BMERB1: variants seen among roughly 807,000 people sequenced by gnomAD.
BMERB1 encodes the protein bMERB domain containing 1.
A neutral mutation model predicts 23.6 loss-of-function variants in BMERB1; 12 were observed. That is an observed-to-expected ratio of 0.51 (90% CI 0.33 to 0.82). The LOEUF is 0.82. Among genes scored for constraint, BMERB1 ranks in the 40% least tolerant of loss-of-function variants. The probability of loss-of-function intolerance (pLI) is 0.03; values close to 1 mark genes in which losing one functional copy is unlikely to be tolerated. For missense variants in BMERB1, 247 were observed against 255.4 expected, an observed-to-expected ratio of 0.97 and a Z score of 0.22; for synonymous variants, 122 against 96.6, an observed-to-expected ratio of 1.26 and a Z score of -1.54.
intron 1 of BMERB1, 65 bp downstream of exon 1, chr16:15,434,824 G>A (rs1182222409): frequency 2.9e-6 from 4 of 1,399,170 alleles, no homozygotes; most frequent in Non-Finnish European, 3.8e-6. Context: ...TGCGCGGGTG[G>A]TCGCGGGAGC....
At chr16:15,481,680 A>G (rs2051321696) in intron 1 of BMERB1, among the ~76,000 whole-genome samples, 1 of 152,006 alleles carries the variant, frequency 6.6e-6, no homozygotes, top group Admixed American at 6.6e-5. Context: ...TATAACAAGA[A>G]TTAATTAACA....
At chr16:15,561,718 T>C (rs2030427268) in intron 2 of BMERB1, among the ~76,000 whole-genome samples, 2 of 152,070 alleles carry the variant, frequency 1.3e-5, no homozygotes, top group Admixed American at 1.3e-4. Flanking sequence ...CATGGCAAGA[T>C]TCTGTCTCTA....
chr16:15,488,714 G>A (rs567737706), intron 1 of BMERB1, among the ~76,000 whole-genome samples: 1 of 150,096 alleles, frequency 6.7e-6, no homozygotes, highest in Non-Finnish European at 1.5e-5. Flanking sequence ...GTGGTGGTGG[G>A]TGTCTGTGGT....
At chr16:15,527,828 C>T (rs111820010) in intron 2 of BMERB1, among the ~76,000 whole-genome samples, 2,687 of 152,206 alleles carry the variant, frequency 0.018, 81 homozygotes, top group African/African-American at 0.062. Context: ...AGCAAATGGT[C>T]AAGCATCACC....
intron 3 of BMERB1, among the ~76,000 whole-genome samples, chr16:15,571,898 A>G (rs80110898): frequency 1.3e-3 from 202 of 152,184 alleles, no homozygotes; most frequent in East Asian, 0.013. Context: ...GGGCCAGAGA[A>G]TGCAATCCTC....
At position 15,546,684 on chromosome 16, in the gene BMERB1, T is replaced by C. The variant is rs1043328453; in HGVS notation, c.231-21299T>C. Among the ~76,000 whole-genome samples the C allele has an allele frequency of 1.1e-4, 17 of 152,358 alleles. 1 individual carries two copies. The highest frequency in any genetic ancestry group is 7.2e-4 in the Admixed American group (11 of 15,302). On this transcript the variant is annotated intron_variant, in intron 2 of 5. Transcript: ENST00000300006. ...AATAATCAGCTTCTTCTAGTCTAAC[T>C]AAGGTCTGAGTCCTGAAGACCTTCC... is the stretch of plus-strand genomic sequence containing the variant.
rs775378313 is a variant in BMERB1, at chr16:15,586,869, C to A, written c.*40C>A. ...GCCCTGGGCCATGGGGACCCCCCCCCACCCTCTTGTCTTTATAGCCCCCAT... is the reference window on the plus strand; with the variant it reads ...GCCCTGGGCCATGGGGACCCCCCCCAACCCTCTTGTCTTTATAGCCCCCAT... On this transcript the variant is annotated 3_prime_UTR_variant, in exon 6 of 6. Coordinates refer to ENST00000300006, the MANE Select transcript of BMERB1 (RefSeq NM_033201.3). 7.7e-7 allele frequency: 1 copy of A among 1,302,392 alleles called. No individual in the cohort carries two copies. Among genetic ancestry groups the A allele is most frequent in the Non-Finnish European group, 1.1e-6 (1 of 937,220 alleles). 80.7% of individuals were successfully genotyped at this position (1,302,392 alleles called of 1,614,324 possible).
intron 5 of BMERB1, chr16:15,584,191 G>C (rs2031084581): frequency 1.4e-5 from 8 of 588,472 alleles, no homozygotes; most frequent in Non-Finnish European, 2.4e-5. Context: ...TCAAGAAACT[G>C]TCTTTTCTTT....
intron 1 of BMERB1, among the ~76,000 whole-genome samples, chr16:15,458,611 G>T (rs1241578061): frequency 2.6e-5 from 4 of 151,790 alleles, no homozygotes; most frequent in Admixed American, 2.0e-4. Flanking sequence ...CAGCTACTTG[G>T]GGGGCTGATG....
intron 1 of BMERB1, among the ~76,000 whole-genome samples, chr16:15,476,046 C>G (rs892328209): frequency 4.6e-5 from 7 of 152,116 alleles, no homozygotes; most frequent in Admixed American, 3.3e-4. Flanking sequence ...CTAAAGCCCC[C>G]CTGTGAACAA....
chr16:15,530,901 TTC>T (rs1567487066), intron 2 of BMERB1, among the ~76,000 whole-genome samples: 2 of 142,690 alleles, frequency 1.4e-5, no homozygotes, highest in Non-Finnish European at 3.1e-5. Flanking sequence ...CTTTTCTTCT[TTC>T]TTTTTTTTTT....
chr16:15,561,256 A>ATTTTTT lies in BMERB1; in HGVS notation c.231-6704_231-6699dup, dbSNP rs35139646. Among the ~76,000 whole-genome samples, 7 of 42,240 alleles carry ATTTTTT rather than the reference A, an allele frequency of 1.7e-4. 2 individuals are homozygous for ATTTTTT. The highest frequency in any genetic ancestry group is 1.1e-3 in the Admixed American group (3 of 2,670). 27.7% of individuals were successfully genotyped at this position (42,240 alleles called of 152,430 possible). The stretch of plus-strand genomic sequence containing the variant: ...ACAGGTGTGAGCCACCACGCCGGCC[A>ATTTTTT]TTTTTTTTTTTTTTTTTTTTTTTTT... On this transcript the variant is annotated intron_variant, in intron 2 of 5. Transcript: ENST00000300006.
intron 2 of BMERB1, among the ~76,000 whole-genome samples, chr16:15,565,289 C>T (rs1373582869): frequency 6.6e-6 from 1 of 152,194 alleles, no homozygotes; most frequent in Admixed American, 6.5e-5. Flanking sequence ...AGCCTCTTTA[C>T]CTGTTTCCGC....
At chr16:15,493,347 C>CT (rs2051440880) in intron 1 of BMERB1, among the ~76,000 whole-genome samples, 2 of 152,246 alleles carry the variant, frequency 1.3e-5, no homozygotes, top group East Asian at 3.9e-4. Context: ...GTAGAAGAGT[C>CT]TAAGAAGACA....
At chr16:15,575,009 A>G (rs979724261) in intron 3 of BMERB1, among the ~76,000 whole-genome samples, 1 of 152,044 alleles carries the variant, frequency 6.6e-6, no homozygotes, top group African/African-American at 2.4e-5. Flanking sequence ...AACTCGGGAG[A>G]GGGGGGTTGC....
At chr16:15,533,146 A>G (rs931005574) in intron 2 of BMERB1, 3 of 341,862 alleles carry the variant, frequency 8.8e-6, no homozygotes, top group East Asian at 8.7e-5. Context: ...GTAAGTGCTC[A>G]TTAAATGTTA....
At chr16:15,438,585 G>T (rs974873741) in intron 1 of BMERB1, among the ~76,000 whole-genome samples, 1 of 150,846 alleles carries the variant, frequency 6.6e-6, no homozygotes, top group Non-Finnish European at 1.5e-5. Context: ...TCAGCCTCCC[G>T]AGTAGCTGGG....
At chr16:15,581,450 C>T (rs749305611) in intron 4 of BMERB1, 119 bp downstream of exon 4, 4 of 745,608 alleles carry the variant, frequency 5.4e-6, no homozygotes, top group Non-Finnish European at 8.7e-6. Flanking sequence ...TGGCCTTGAT[C>T]CACAGTCTCT....
intron 2 of BMERB1, among the ~76,000 whole-genome samples, chr16:15,516,484 T>A (rs1243069605): frequency 6.6e-6 from 1 of 152,294 alleles, no homozygotes; most frequent in Non-Finnish European, 1.5e-5. Flanking sequence ...AAAGTTTTTT[T>A]AAAAATTGGG....
Sources: gnomAD v4.1 joint callset for allele counts (sites outside exome capture counted in the v4.1 genomes callset) on GRCh38, gnomAD v4.1.1 for gene constraint, MANE v1.5 for transcripts, NCBI Gene and HGNC (gene_info 2026-07-23, HGNC 2026-07-21) for gene names.